The following RMDN1 variants were observed in gnomAD, a reference collection of about 807,000 sequenced individuals.
RMDN1 encodes regulator of microtubule dynamics 1, also known as regulator of microtubule dynamics protein 1.
In RMDN1, 48 loss-of-function variants were observed where a neutral mutation model predicts 48.9. The observed-to-expected ratio is 0.98, with a 90% CI of 0.78 to 1.25. The LOEUF (loss-of-function observed/expected upper bound fraction) is 1.25. RMDN1 is among the 50% of genes most tolerant of loss of function. The probability of loss-of-function intolerance (pLI) is 0.00; values close to 1 mark genes in which losing one functional copy is unlikely to be tolerated. For synonymous variants in RMDN1, 148 were observed against 132.6 expected, an observed-to-expected ratio of 1.12 and a Z score of -0.80; for missense variants, 418 against 373.4, an observed-to-expected ratio of 1.12 and a Z score of -0.98.
chr8:86,501,678 ATAAG>A (rs1489655972), intron 2 of RMDN1, among the ~76,000 whole-genome samples: 3 of 148,388 alleles, frequency 2.0e-5, no homozygotes, highest in Non-Finnish European at 3.0e-5. Context: ...CAAAAAAAAA[ATAAG>A]TTCTAATCTC....
At chr8:86,508,312 T>G (rs1819724458) in intron 1 of RMDN1, 180 bp downstream of exon 1, 2 of 599,394 alleles carry the variant, frequency 3.3e-6, no homozygotes, top group Non-Finnish European at 5.5e-6. Flanking sequence ...CAGTTAAGGA[T>G]AGTGGAGGTT....
chr8:86,478,478 G>A (rs1813773941), intron 7 of RMDN1: 1 of 152,470 alleles, frequency 6.6e-6, no homozygotes, highest in South Asian at 2.1e-4. Flanking sequence ...GAAAATATGA[G>A]AGAATATGAA....
intron 8 of RMDN1, among the ~76,000 whole-genome samples, chr8:86,476,980 T>C (rs1421400935): frequency 6.6e-6 from 1 of 152,120 alleles, no homozygotes; most frequent in Non-Finnish European, 1.5e-5. Context: ...GGATTACAAG[T>C]GTTAGCCACC....
chr8:86,511,684 C>T (rs1820050602), upstream of RMDN1, among the ~76,000 whole-genome samples: 1 of 151,680 alleles, frequency 6.6e-6, no homozygotes, highest in Non-Finnish European at 1.5e-5. Flanking sequence ...GTGGCTCGTG[C>T]CTGTAGGTCC....
intron 7 of RMDN1, chr8:86,477,993 C>A (rs1813676325): frequency 6.6e-6 from 1 of 152,000 alleles, no homozygotes; most frequent in South Asian, 2.1e-4. Context: ...CTCAAGTGAT[C>A]CTTCTCCCTC....
At chr8:86,480,359 A>G (rs1284233905) in intron 5 of RMDN1, 27 bp from the exon 6 acceptor site, 2 of 1,342,906 alleles carry the variant, frequency 1.5e-6, no homozygotes, top group Admixed American at 2.2e-5. Flanking sequence ...AAAATAAATC[A>G]TATTTGTTTT....
At chr8:86,468,585 T>G (rs1812293758), downstream of RMDN1, 2 of 436,082 alleles carry the variant, frequency 4.6e-6, no homozygotes, top group Admixed American at 5.3e-5. Flanking sequence ...TTATTGAATA[T>G]CATTCATTGT....
rs1818889545 is a variant in RMDN1 at position 86,504,248 on chromosome 8, C to T, written c.247+2747G>A. The T allele has an allele frequency of 3.4e-5, 53 of 1,565,724 alleles. No homozygotes were observed. In the South Asian group the frequency reaches 5.8e-4, roughly 17 times the overall value. On this transcript the variant is annotated intron_variant, in intron 2 of 9. Transcript: ENST00000406452. ...ATTAACAGAAAAGAAGAGGAGAATG[C>T]TAAGTAGATCCTCCAGCAGTTGTGG...
intron 3 of RMDN1, among the ~76,000 whole-genome samples, chr8:86,487,127 A>C: frequency 6.6e-6 from 1 of 152,216 alleles, no homozygotes; most frequent in East Asian, 1.9e-4. Context: ...ATTATTTGCT[A>C]ATGAATGAAT....
At chr8:86,511,301 C>T (rs1034670276), upstream of RMDN1, among the ~76,000 whole-genome samples, 3 of 151,376 alleles carry the variant, frequency 2.0e-5, no homozygotes, top group East Asian at 3.9e-4. Context: ...AGTGAAACCC[C>T]GTCTCTACTA....
upstream of RMDN1, among the ~76,000 whole-genome samples, chr8:86,511,643 C>A (rs888998527): frequency 6.6e-6 from 1 of 151,818 alleles, no homozygotes; most frequent in African/African-American, 2.4e-5. Flanking sequence ...AACCGCATCT[C>A]TACAAAAAGT....
chr8:86,474,097 G>T lies in RMDN1; in HGVS notation c.*211C>A. ...AGGATGCAAAATAATCTCTTTGCCTGAGCCATGGAGATTTATTTCTACCAC... is the reference window on the plus strand; with the variant it reads ...AGGATGCAAAATAATCTCTTTGCCTTAGCCATGGAGATTTATTTCTACCAC... On this transcript the variant is annotated 3_prime_UTR_variant, in exon 10 of 10. Coordinates refer to ENST00000406452, the MANE Select transcript of RMDN1 (RefSeq NM_016033.3). The T allele has an allele frequency of 7.8e-7, 1 of 1,284,048 alleles. No individual in the cohort carries two copies. The highest frequency in any genetic ancestry group is 2.2e-5 in the South Asian group (1 of 44,644). The allele number at this position is 1,284,048 out of a possible 1,614,324, so 79.5% of individuals were successfully genotyped here.
chr8:86,492,903 GAAGA>G (rs1816736539), intron 2 of RMDN1, among the ~76,000 whole-genome samples: 1 of 151,290 alleles, frequency 6.6e-6, no homozygotes, highest in Non-Finnish European at 1.5e-5. Flanking sequence ...GAAAATGGAG[GAAGA>G]AAGAGCTTTT....
In RMDN1 at chr8:86,504,362, T is replaced by G. The variant is rs1163185789; in HGVS notation, c.247+2633A>C. The G allele has an allele frequency of 1.9e-6, 3 of 1,572,638 alleles. No individual in the cohort carries two copies. The African/African-American group carries it at 4.1e-5, about 21-fold the overall frequency. On this transcript the variant is annotated intron_variant, in intron 2 of 9. Transcript: ENST00000406452. ...GAAAAGCAAGTCACCGTGCTGGAGT[T>G]CTTTAGAGTATCCAGCTACCAACAG...
intron 2 of RMDN1, 129 bp from the exon 3 acceptor site, chr8:86,488,768 T>G: frequency 2.0e-6 from 1 of 492,088 alleles, no homozygotes. Flanking sequence ...TGACCTACAA[T>G]GAAACAGCAG....
chr8:86,513,385 A>T (rs1229436353), upstream of RMDN1, among the ~76,000 whole-genome samples: 2 of 152,218 alleles, frequency 1.3e-5, no homozygotes, highest in African/African-American at 2.4e-5. Flanking sequence ...CAAAAAAATA[A>T]AAATAAAAAA....
At position 86,473,444 on chromosome 8, in the gene RMDN1, T is replaced by C. The variant is rs1161061219; in HGVS notation, c.*864A>G. The C allele has an allele frequency of 1.0e-6, 1 of 985,382 alleles. No homozygotes were observed. Among genetic ancestry groups the C allele is most frequent in the African/African-American group, 1.7e-5 (1 of 57,348 alleles). 61.0% of individuals were successfully genotyped at this position (985,382 alleles called of 1,614,324 possible). On this transcript the variant is annotated 3_prime_UTR_variant, in exon 10 of 10. Coordinates refer to ENST00000406452, the MANE Select transcript of RMDN1 (RefSeq NM_016033.3). ...ATAGAACTTTGCATCTGATGACAAA[T>C]TCAGTTTACCATGAGACTACACCAC...
At chr8:86,476,226 G>C (rs1213749618) in intron 8 of RMDN1, among the ~76,000 whole-genome samples, 1 of 151,994 alleles carries the variant, frequency 6.6e-6, no homozygotes, top group African/African-American at 2.4e-5. Context: ...TTTTAAATCT[G>C]TTAAAAAAAG....
intron 2 of RMDN1, among the ~76,000 whole-genome samples, chr8:86,502,934 A>T (rs1818510186): frequency 6.6e-6 from 1 of 152,252 alleles, no homozygotes; most frequent in Non-Finnish European, 1.5e-5. Context: ...AACCGTTAAT[A>T]AAGCATCACT....
Sources: allele counts gnomAD v4.1 joint callset (sites outside exome capture counted in the v4.1 genomes callset), GRCh38; gene constraint gnomAD v4.1.1; transcripts MANE v1.5; gene names NCBI Gene and HGNC (gene_info 2026-07-23, HGNC 2026-07-21).